Variants in HERPUD1 observed in about 807,000 individuals in gnomAD.
The protein encoded by HERPUD1 is homocysteine-responsive endoplasmic reticulum-resident ubiquitin-like domain member 1 protein.
Under a neutral mutation model 45.0 loss-of-function variants are expected in HERPUD1, and 17 were observed. The ratio of observed to expected loss-of-function variants is 0.38; its 90% CI spans 0.26 to 0.57. The LOEUF (loss-of-function observed/expected upper bound fraction) is 0.57. Ranked by LOEUF, HERPUD1 falls within the 20% of genes least tolerant of loss-of-function variation. The pLI, the probability that HERPUD1 is intolerant of heterozygous loss-of-function variation, is 0.72. For missense variants in HERPUD1, 420 were observed against 490.5 expected, an observed-to-expected ratio of 0.86 and a Z score of 1.36; for synonymous variants, 164 against 177.5, an observed-to-expected ratio of 0.92 and a Z score of 0.61.
At chr16:56,932,502 C>A in intron 1 of HERPUD1, 111 bp downstream of exon 1, 1 of 1,067,798 alleles carries the variant, frequency 9.4e-7, no homozygotes, top group Non-Finnish European at 1.3e-6. Flanking sequence ...CGGCTGCGAT[C>A]GCTCGGCCGG....
rs748445928 is a variant in HERPUD1 at position 56,940,125 on chromosome 16, G to A, written c.785G>A (p.Arg262Gln). The A allele has an allele frequency of 1.2e-6, 2 of 1,614,192 alleles. No homozygotes were observed. The highest frequency in any genetic ancestry group is 2.2e-5 in the East Asian group (1 of 44,888). ...PIVEEDDEIN[R>Q]DWLDWTYSAA... The stretch of plus-strand genomic sequence containing the variant: ...GTGGAAGAAGATGATGAAATAAATC[G>A]AGATTGGTTGGATTGGACCTATTCA... Residue 262 changes from arginine to glutamine, a missense_variant, in exon 6 of 8, where the codon CGA becomes CAA. Arg to Gln is a conservative substitution (Grantham distance 43). Coordinates refer to ENST00000439977, the MANE Select transcript of HERPUD1 (RefSeq NM_014685.4).
At position 56,932,387 on chromosome 16, in the gene HERPUD1, G is replaced by A. The variant is rs1446401791; in HGVS notation, c.143G>A (p.Arg48His). 2.5e-6 allele frequency: 4 copies of A among 1,583,788 alleles called. No homozygotes were observed. Among genetic ancestry groups the A allele is most frequent in the Admixed American group, 3.6e-5 (2 of 56,268 alleles). Residue 48 changes from arginine (R) to histidine (H), a missense_variant, in exon 1 of 8, where the codon CGT (arginine) becomes CAT (histidine). Transcript: ENST00000439977. ...CACCTGAGCCGCGTCTACCCCGAGC[G>A]TCCGGTGAGAGCGGCCCCGACTTCC... Reference protein sequence around the residue: ...KAHLSRVYPERPRPEDQRLIY... With the variant: ...KAHLSRVYPEHPRPEDQRLIY...
At position 56,944,844 on chromosome 16, in the gene HERPUD1, A is replaced by AT. The variant is rs1362631727; in HGVS notation, c.*1555dup. On this transcript the variant is annotated 3_prime_UTR_variant, in exon 8 of 8. Coordinates refer to ENST00000439977, the MANE Select transcript of HERPUD1 (RefSeq NM_014685.4). ...ATGTGTAGGTGTTCTATTTGGCAAA[A>AT]TAAATCAGCCTTTTCTATCATGATT... The AT allele has an allele frequency of 6.6e-6, 1 of 152,222 alleles. No homozygotes were observed. Among genetic ancestry groups the AT allele is most frequent in the African/African-American group, 2.4e-5 (1 of 41,460 alleles). The allele number at this position is 152,222 out of a possible 1,614,324, so 9.4% of individuals were successfully genotyped here.
intron 6 of HERPUD1, chr16:56,941,895 C>T (rs2055912734): frequency 1.1e-5 from 5 of 447,786 alleles, no homozygotes; most frequent in Non-Finnish European, 8.1e-6. Context: ...TACTATGTGC[C>T]AGGTGCTGTT....
chr16:56,942,847 A>AAAT (rs771548543), intron 7 of HERPUD1, among the ~76,000 whole-genome samples: 1 of 152,152 alleles, frequency 6.6e-6, no homozygotes, highest in Admixed American at 6.5e-5. Context: ...TCTGTCTCAA[A>AAAT]AATAATAATA....
chr16:56,942,330 AT>A, intron 7 of HERPUD1, 93 bp downstream of exon 7: 1 of 762,404 alleles, frequency 1.3e-6, no homozygotes, highest in Non-Finnish European at 2.3e-6. Context: ...GCGGTTTACC[AT>A]TTTATTGGGC....
At position 56,943,998 on chromosome 16, in the gene HERPUD1, C is replaced by T. The variant is rs2055932397; in HGVS notation, c.*708C>T. ...GTTTTTCAGAAGAGGACTGTTTGTG[C>T]CGGTAAGAATGATCAGGTAAGGCCA... On this transcript the variant is annotated 3_prime_UTR_variant, in exon 8 of 8. Transcript: ENST00000439977. 2 of 169,232 alleles carry T rather than the reference C, an allele frequency of 1.2e-5. No individual in the cohort carries two copies. The highest frequency in any genetic ancestry group is 2.6e-5 in the Non-Finnish European group (2 of 77,910). 10.5% of individuals were successfully genotyped at this position (169,232 alleles called of 1,614,324 possible).
At chr16:56,941,798 A>T (rs1368090811) in intron 6 of HERPUD1, 1 of 169,512 alleles carries the variant, frequency 5.9e-6, no homozygotes, top group East Asian at 1.6e-4. Flanking sequence ...ATATATAATT[A>T]TAGCTTTGTA....
Position 56,943,217 on chromosome 16 carries a change from G to A in HERPUD1, c.1103G>A (p.Ser368Asn), listed in dbSNP as rs376441457. 1 of 1,614,170 alleles carries A rather than the reference G, an allele frequency of 6.2e-7. No homozygotes were observed. The highest frequency in any genetic ancestry group is 8.5e-7 in the Non-Finnish European group (1 of 1,180,020). ...DGEQTSPSFMSTAWLVFKTFF... is the reference protein window; with the variant it reads ...DGEQTSPSFMNTAWLVFKTFF... ...GAGCAGACCAGCCCCTCCTTTATGA[G>A]CACAGCATGGCTTGTCTTCAAGACT... Residue 368 changes from serine (S) to asparagine (N), a missense_variant, in exon 8 of 8, where the codon AGC becomes AAC. Ser to Asn is a conservative substitution (Grantham distance 46). Coordinates refer to ENST00000439977, the MANE Select transcript of HERPUD1 (RefSeq NM_014685.4).
At chr16:56,935,370 A>C in intron 2 of HERPUD1, 31 bp from the exon 3 acceptor site, 1 of 1,612,718 alleles carries the variant, frequency 6.2e-7, no homozygotes, top group South Asian at 1.1e-5. Context: ...GGTTAGGTTC[A>C]GGTCCTTAAG....
Position 56,932,222 on chromosome 16 carries a change from G to T in HERPUD1, c.-23G>T, listed in dbSNP as rs752026589. 6 of 1,602,186 alleles carry T rather than the reference G, an allele frequency of 3.7e-6. No individual in the cohort carries two copies. The highest frequency in any genetic ancestry group is 4.2e-6 in the Non-Finnish European group (5 of 1,178,252). On this transcript the variant is annotated 5_prime_UTR_variant, in exon 1 of 8. Coordinates refer to ENST00000439977, the MANE Select transcript of HERPUD1 (RefSeq NM_014685.4). ...GCCTGGCACCTAGGAGCGCAGCGGA[G>T]CCCCGACACCGCCGCCGCCGCCATG... is the stretch of plus-strand genomic sequence containing the variant.
intron 3 of HERPUD1, chr16:56,936,208 C>T: frequency 6.6e-6 from 1 of 152,644 alleles, no homozygotes; most frequent in Non-Finnish European, 1.5e-5. Flanking sequence ...CCCTATTTTG[C>T]CATTATCAGT....
In HERPUD1 at chr16:56,939,974, C is replaced by T; in HGVS notation, c.634C>T (p.Pro212Ser). The change falls in exon 6 of 8, where the codon CCA becomes TCA. Residue 212 changes from proline to serine, a missense_variant. Coordinates refer to ENST00000439977, the MANE Select transcript of HERPUD1 (RefSeq NM_014685.4). Reference protein sequence around the residue: ...QEIPVVSAPAPAPIHNQFPAE... With the variant: ...QEIPVVSAPASAPIHNQFPAE... ...GATACCTGTGGTCTCTGCACCTGCT[C>T]CAGCCCCTATTCACAACCAGTTTCC... is the stretch of plus-strand genomic sequence containing the variant. The T allele has an allele frequency of 1.2e-6, 2 of 1,614,188 alleles. No homozygotes were observed. The highest frequency in any genetic ancestry group is 1.1e-5 in the South Asian group (1 of 91,088).
chr16:56,934,420 C>A (rs1403685505), intron 1 of HERPUD1, among the ~76,000 whole-genome samples: 1 of 152,168 alleles, frequency 6.6e-6, no homozygotes, highest in African/African-American at 2.4e-5. Flanking sequence ...CTAAATCTCA[C>A]AGGGTGGTTG....
At chr16:56,936,583 G>C in intron 3 of HERPUD1, 104 bp from the exon 4 acceptor site, 6 of 1,027,654 alleles carry the variant, frequency 5.8e-6, no homozygotes, top group Non-Finnish European at 8.0e-6. Flanking sequence ...TTCAGAGGTG[G>C]GGGGTAGGAG....
At chr16:56,936,903 A>G in intron 4 of HERPUD1, 86 bp downstream of exon 4, 2 of 1,403,464 alleles carry the variant, frequency 1.4e-6, no homozygotes, top group East Asian at 2.4e-5. Context: ...GTTTACACGT[A>G]TATAATCAGA....
chr16:56,936,919 T>A, intron 4 of HERPUD1, 102 bp downstream of exon 4: 2 of 1,283,396 alleles, frequency 1.6e-6, no homozygotes, highest in Non-Finnish European at 2.1e-6. Context: ...TCAGAACTTT[T>A]AAACATACAG....
rs1469133025 is a variant in HERPUD1 at position 56,939,178 on chromosome 16, T to C, written c.432-59T>C. 7 of 1,550,714 alleles carry C rather than the reference T, an allele frequency of 4.5e-6. No homozygotes were observed. The African/African-American group carries it at 9.7e-5, about 21-fold the overall frequency. On this transcript the variant is annotated intron_variant, in intron 4 of 7. Coordinates refer to ENST00000439977, the MANE Select transcript of HERPUD1 (RefSeq NM_014685.4). ...ATTCTTGATTTTAATTTAAACTTAG[T>C]TTTCATTTGTTCATACTCAACCCAC...
Position 56,932,477 on chromosome 16 carries a change from GC to G in HERPUD1, c.147+88del, listed in dbSNP as rs2055833861. 3.3e-6 allele frequency: 4 copies of G among 1,228,458 alleles called. No homozygotes were observed. In the East Asian group the frequency reaches 7.9e-5, roughly 24 times the overall value. 76.1% of individuals were successfully genotyped at this position (1,228,458 alleles called of 1,614,324 possible). A position where few individuals can be genotyped will look rare whatever the true frequency, so the allele number is the denominator to read the frequency against. On this transcript the variant is annotated intron_variant, in intron 1 of 7. Coordinates refer to ENST00000439977, the MANE Select transcript of HERPUD1 (RefSeq NM_014685.4). Reference sequence around the variant, plus strand: ...CCACGTCCGGCTGCCCTGTCCTGTGGCCTCCTCCCGCTGACGGCTGCGATCG... The same window carrying G: ...CCACGTCCGGCTGCCCTGTCCTGTGGCTCCTCCCGCTGACGGCTGCGATCG...
Sources: gnomAD v4.1 joint callset for allele counts (sites outside exome capture counted in the v4.1 genomes callset) on GRCh38, gnomAD v4.1.1 for gene constraint, MANE v1.5 for transcripts, NCBI Gene and HGNC (gene_info 2026-07-23, HGNC 2026-07-21) for gene names.